The following TRABD2B variants were observed in gnomAD, a reference collection of about 807,000 sequenced individuals.
The protein encoded by TRABD2B is metalloprotease TIKI2.
In TRABD2B, 14 loss-of-function variants were observed where a neutral mutation model predicts 40.1. That is an observed-to-expected ratio of 0.35 (90% CI 0.23 to 0.55). The LOEUF (loss-of-function observed/expected upper bound fraction) is 0.55, where lower values mean the gene tolerates loss of function less well. Among genes scored for constraint, TRABD2B ranks in the 20% least tolerant of loss-of-function variants. TRABD2B has a pLI of 0.90. For missense variants in TRABD2B, 541 were observed against 648.6 expected, an observed-to-expected ratio of 0.83 and a Z score of 1.80; for synonymous variants, 263 against 277.0, an observed-to-expected ratio of 0.95 and a Z score of 0.50.
chr1:47,837,435 T>C (rs2124472201), intron 2 of TRABD2B, among the ~76,000 whole-genome samples: 1 of 152,258 alleles, frequency 6.6e-6, no homozygotes, highest in East Asian at 1.9e-4. Flanking sequence ...CCCCATCTCC[T>C]TCACAGCCGA....
chr1:47,933,107 A>T (rs1645061109), intron 2 of TRABD2B, among the ~76,000 whole-genome samples: 1 of 140,364 alleles, frequency 7.1e-6, no homozygotes, highest in African/African-American at 2.7e-5. Context: ...ATCTCCTGTC[A>T]TTTTTTTTTT....
intron 4 of TRABD2B, among the ~76,000 whole-genome samples, chr1:47,783,738 G>C (rs1644557237): frequency 6.6e-6 from 1 of 152,216 alleles, no homozygotes; most frequent in Non-Finnish European, 1.5e-5. Context: ...CTATGCCAGG[G>C]CACAAGGCTC....
At chr1:47,989,131 G>A (rs114048408) in intron 2 of TRABD2B, among the ~76,000 whole-genome samples, 62 of 152,238 alleles carry the variant, frequency 4.1e-4, no homozygotes, top group Non-Finnish European at 7.8e-4. Flanking sequence ...CACAAAATCC[G>A]CTGGTACCTT....
chr1:47,816,983 A>T (rs1250060930), intron 2 of TRABD2B, among the ~76,000 whole-genome samples: 2 of 152,154 alleles, frequency 1.3e-5, no homozygotes, highest in Non-Finnish European at 2.9e-5. Context: ...TTCTCTGCAG[A>T]TGTAACGAGA....
intron 2 of TRABD2B, among the ~76,000 whole-genome samples, chr1:47,861,141 C>T (rs746067477): frequency 1.4e-4 from 21 of 152,104 alleles, no homozygotes; most frequent in Non-Finnish European, 2.9e-4. Flanking sequence ...GCTTAGGTGA[C>T]CTCAATAATC....
At chr1:47,870,840 G>C (rs1644130478) in intron 2 of TRABD2B, among the ~76,000 whole-genome samples, 1 of 152,140 alleles carries the variant, frequency 6.6e-6, no homozygotes, top group East Asian at 1.9e-4. Flanking sequence ...GTCAGTTTGA[G>C]CTGAATCTTG....
At chr1:47,985,279 A>G (rs564317240) in intron 2 of TRABD2B, among the ~76,000 whole-genome samples, 1 of 152,360 alleles carries the variant, frequency 6.6e-6, no homozygotes, top group Admixed American at 6.5e-5. Flanking sequence ...GTGTAAACTT[A>G]AAGACTGACT....
At chr1:47,836,723 G>A (rs1042108405) in intron 2 of TRABD2B, among the ~76,000 whole-genome samples, 1 of 152,176 alleles carries the variant, frequency 6.6e-6, no homozygotes, top group African/African-American at 2.4e-5. Context: ...GAGGTAATTA[G>A]GTTATGTGGG....
intron 2 of TRABD2B, among the ~76,000 whole-genome samples, chr1:47,981,410 T>C (rs902397207): frequency 6.6e-6 from 1 of 152,202 alleles, no homozygotes; most frequent in Admixed American, 6.5e-5. Flanking sequence ...ACTCATTAGC[T>C]GTGTGACCCC....
intron 2 of TRABD2B, among the ~76,000 whole-genome samples, chr1:47,946,692 T>C (rs887267264): frequency 6.6e-6 from 1 of 152,226 alleles, no homozygotes; most frequent in Non-Finnish European, 1.5e-5. Context: ...TTTTGGTCTA[T>C]AGTTCTCTTA....
At chr1:47,768,553 G>A (rs924500977) in intron 6 of TRABD2B, among the ~76,000 whole-genome samples, 2 of 152,138 alleles carry the variant, frequency 1.3e-5, no homozygotes, top group African/African-American at 4.8e-5. Flanking sequence ...GGGCTTCTTT[G>A]ATCTGCCTTC....
At chr1:47,834,247 ATT>A (rs1450054416) in intron 2 of TRABD2B, among the ~76,000 whole-genome samples, 1 of 152,214 alleles carries the variant, frequency 6.6e-6, no homozygotes, top group African/African-American at 2.4e-5. Flanking sequence ...TCAGAGTCAA[ATT>A]TTTGAACATC....
chr1:47,771,711 G>T (rs4927047), intron 6 of TRABD2B, among the ~76,000 whole-genome samples: 2,310 of 152,286 alleles, frequency 0.015, 85 homozygotes, highest in Admixed American at 0.088. Flanking sequence ...CAGCGGTGGG[G>T]GTTCCCCAAG....
chr1:47,887,515 C>T (rs1644386217), intron 2 of TRABD2B, among the ~76,000 whole-genome samples: 1 of 150,730 alleles, frequency 6.6e-6, no homozygotes, highest in South Asian at 2.1e-4. Context: ...TTAAATCTCC[C>T]ACTTGTTAAA....
chr1:47,789,755 A>T (rs755488307), intron 4 of TRABD2B, among the ~76,000 whole-genome samples: 12 of 152,108 alleles, frequency 7.9e-5, no homozygotes, highest in Middle Eastern at 3.2e-3. Context: ...GTTACAGGTG[A>T]AGAGGTGTCT....
intron 2 of TRABD2B, among the ~76,000 whole-genome samples, chr1:47,900,982 T>C (rs1204943813): frequency 6.6e-6 from 1 of 152,172 alleles, no homozygotes; most frequent in Non-Finnish European, 1.5e-5. Context: ...TTATCTATCA[T>C]CAAAACCCTC....
At chr1:47,829,558 G>A (rs373707520) in intron 2 of TRABD2B, among the ~76,000 whole-genome samples, 1 of 152,008 alleles carries the variant, frequency 6.6e-6, no homozygotes, top group Non-Finnish European at 1.5e-5. Context: ...ACCACTCCCT[G>A]CCAGATCCCC....
intron 2 of TRABD2B, among the ~76,000 whole-genome samples, chr1:47,903,000 G>A (rs752916369): frequency 6.6e-6 from 1 of 152,076 alleles, no homozygotes; most frequent in East Asian, 1.9e-4. Context: ...CCTTCTGCCT[G>A]GAAAGTCATT....
chr1:47,824,189 C>T (rs577511896), intron 2 of TRABD2B, among the ~76,000 whole-genome samples: 9 of 152,300 alleles, frequency 5.9e-5, no homozygotes, highest in African/African-American at 2.2e-4. Flanking sequence ...AGCACAGAGC[C>T]AGGCTCGCTC....
Sources: allele counts gnomAD v4.1 joint callset (sites outside exome capture counted in the v4.1 genomes callset), GRCh38; gene constraint gnomAD v4.1.1; transcripts MANE v1.5; gene names NCBI Gene and HGNC (gene_info 2026-07-23, HGNC 2026-07-21).